The following ADGRB3 variants were observed in gnomAD, a reference collection of about 807,000 sequenced individuals.
The protein encoded by ADGRB3 is brain-specific angiogenesis inhibitor 3.
A neutral mutation model predicts 193.4 loss-of-function variants in ADGRB3; 37 were observed. The ratio of observed to expected loss-of-function variants is 0.19; its 90% CI spans 0.15 to 0.25. ADGRB3 has a LOEUF of 0.25. ADGRB3 is among the 10% of genes least tolerant of loss of function. The probability of loss-of-function intolerance (pLI) is 1.00; values close to 1 mark genes in which losing one functional copy is unlikely to be tolerated. For missense variants in ADGRB3, 1,637 were observed against 1,852.9 expected (o/e 0.88, Z 2.14); for synonymous variants, 690 against 644.2 (o/e 1.07, Z -1.08).
At chr6:69,127,241 G>C (rs748241686) in intron 17 of ADGRB3, among the ~76,000 whole-genome samples, 1 of 152,192 alleles carries the variant, frequency 6.6e-6, no homozygotes, top group Non-Finnish European at 1.5e-5. Context: ...TAGCCCTGAA[G>C]TGGCATTAAA....
intron 3 of ADGRB3, among the ~76,000 whole-genome samples, chr6:68,790,941 A>G (rs1377225411): frequency 1.3e-5 from 2 of 151,636 alleles, no homozygotes; most frequent in African/African-American, 4.8e-5. Flanking sequence ...AAAATATCTT[A>G]TATTGCCACT....
At chr6:69,333,112 T>G in intron 24 of ADGRB3, 104 bp downstream of exon 24, 1 of 837,654 alleles carries the variant, frequency 1.2e-6, no homozygotes, top group Non-Finnish European at 1.7e-6. Context: ...AATTTTGTTA[T>G]TGATGTACTA....
chr6:68,785,133 G>T (rs1766937111), intron 3 of ADGRB3, among the ~76,000 whole-genome samples: 2 of 151,830 alleles, frequency 1.3e-5, no homozygotes, highest in African/African-American at 4.8e-5. Flanking sequence ...ATTGATGTAT[G>T]ACTGATTTTA....
chr6:68,860,812 T>C (rs1050215592), intron 3 of ADGRB3, among the ~76,000 whole-genome samples: 1 of 152,196 alleles, frequency 6.6e-6, no homozygotes, highest in Admixed American at 6.5e-5. Context: ...CTGAGAAATC[T>C]CTATACTGTT....
At chr6:69,205,484 A>G (rs1411406216) in intron 17 of ADGRB3, among the ~76,000 whole-genome samples, 1 of 151,990 alleles carries the variant, frequency 6.6e-6, no homozygotes, top group Non-Finnish European at 1.5e-5. Context: ...CCAGTTTCTT[A>G]GTCAATTTTC....
At chr6:69,281,601 A>G (rs1298251941) in intron 20 of ADGRB3, among the ~76,000 whole-genome samples, 1 of 152,170 alleles carries the variant, frequency 6.6e-6, no homozygotes, top group African/African-American at 2.4e-5. Flanking sequence ...ACCTCAGCCT[A>G]CATTGCTCTA....
At chr6:69,043,286 A>AAGAGAG (rs10632969) in intron 13 of ADGRB3, among the ~76,000 whole-genome samples, 56 of 124,238 alleles carry the variant, frequency 4.5e-4, no homozygotes, top group African/African-American at 1.0e-3. Flanking sequence ...GAAAGGAAGA[A>AAGAGAG]AGAGAGAAAG....
At chr6:68,768,699 A>C (rs1227986378) in intron 3 of ADGRB3, among the ~76,000 whole-genome samples, 1 of 152,202 alleles carries the variant, frequency 6.6e-6, no homozygotes, top group Non-Finnish European at 1.5e-5. Context: ...ATGGGATCTA[A>C]TTAAACTAAA....
intron 20 of ADGRB3, among the ~76,000 whole-genome samples, chr6:69,267,116 G>A (rs1767063001): frequency 6.6e-6 from 1 of 151,972 alleles, no homozygotes; most frequent in Non-Finnish European, 1.5e-5. Flanking sequence ...TCAGGGCGAG[G>A]CTTTTTTTAA....
intron 20 of ADGRB3, among the ~76,000 whole-genome samples, chr6:69,257,697 T>C (rs1007537087): frequency 2.0e-5 from 3 of 152,212 alleles, no homozygotes; most frequent in Non-Finnish European, 4.4e-5. Flanking sequence ...CTTCTGATCA[T>C]CTTCAAGATT....
At chr6:69,370,342 G>A (rs1769681751) in intron 29 of ADGRB3, among the ~76,000 whole-genome samples, 1 of 152,126 alleles carries the variant, frequency 6.6e-6, no homozygotes. Flanking sequence ...CACTTGGACT[G>A]TAAAAATCTG....
intron 8 of ADGRB3, among the ~76,000 whole-genome samples, chr6:68,969,766 T>C (rs533386112): frequency 8.5e-5 from 13 of 152,238 alleles, no homozygotes; most frequent in Non-Finnish European, 1.9e-4. Flanking sequence ...TTCTCATCTT[T>C]AGTCTAATCA....
chr6:69,295,942 ATC>A (rs1380387497), intron 20 of ADGRB3, among the ~76,000 whole-genome samples: 1 of 152,192 alleles, frequency 6.6e-6, no homozygotes, highest in Non-Finnish European at 1.5e-5. Context: ...ATGTCTATGA[ATC>A]AGGAAATCTT....
Position 69,293,298 on chromosome 6 carries a change from G to A in ADGRB3, c.2815-31574G>A, listed in dbSNP as rs144603155. Among the ~76,000 whole-genome samples, 25 of 152,148 alleles carry A rather than the reference G, an allele frequency of 1.6e-4. No individual in the cohort carries two copies. In the East Asian group the frequency reaches 4.8e-3, roughly 29 times the overall value. On this transcript the variant is annotated intron_variant, in intron 20 of 31. Coordinates refer to ENST00000370598, the MANE Select transcript of ADGRB3 (RefSeq NM_001704.3). ...ACACCCACTTTCTCTTACTTATTAA[G>A]GAGTGGAGGGGAGGGTAGAGGTTCT...
chr6:69,112,997 G>A (rs9354816), intron 17 of ADGRB3, among the ~76,000 whole-genome samples: 99,207 of 152,052 alleles, frequency 0.65, 33,722 homozygotes, highest in East Asian at 0.95. Flanking sequence ...ACATCAGGTG[G>A]TCTGCCCACC....
intron 20 of ADGRB3, among the ~76,000 whole-genome samples, chr6:69,279,082 TATATATATA>T (rs1767365779): frequency 1.1e-5 from 1 of 92,594 alleles, no homozygotes; most frequent in Non-Finnish European, 2.3e-5. Flanking sequence ...TATATATATA[TATATATATA>T]TATATATATA....
At chr6:69,045,030 C>T (rs573476151) in intron 13 of ADGRB3, among the ~76,000 whole-genome samples, 1 of 152,276 alleles carries the variant, frequency 6.6e-6, no homozygotes, top group African/African-American at 2.4e-5. Context: ...CACATATTTA[C>T]TTACATGTAG....
chr6:69,372,206 T>C (rs1261152621), intron 29 of ADGRB3, among the ~76,000 whole-genome samples, 200 bp from the exon 30 acceptor site: 3 of 152,030 alleles, frequency 2.0e-5, no homozygotes. Context: ...AAAGTGAAAA[T>C]AGAAAATTGT....
rs143055107 is a variant in ADGRB3 at position 69,040,036 on chromosome 6, G to A, written c.2108-8149G>A. Among the ~76,000 whole-genome samples, 427 of 152,114 alleles carry A rather than the reference G, an allele frequency of 2.8e-3. 1 individual carries two copies. Among genetic ancestry groups the A allele is most frequent in the Non-Finnish European group, 4.3e-3 (290 of 68,004 alleles). On this transcript the variant is annotated intron_variant, in intron 13 of 31. Transcript: ENST00000370598. ...ATTACAGGTGTGAGCCACCATGCCC[G>A]GCCCTACATAATCGTTTTGAGATAA...
Sources: allele counts gnomAD v4.1 joint callset (sites outside exome capture counted in the v4.1 genomes callset), GRCh38; gene constraint gnomAD v4.1.1; transcripts MANE v1.5; gene names NCBI Gene and HGNC (gene_info 2026-07-23, HGNC 2026-07-21).